Variants in RAPGEF4 observed in about 807,000 individuals in gnomAD.
RAPGEF4 encodes the protein Rap guanine nucleotide exchange factor 4.
Under a neutral mutation model 147.9 loss-of-function variants are expected in RAPGEF4, and 66 were observed. The ratio of observed to expected loss-of-function variants is 0.45; its 90% CI spans 0.37 to 0.55. The LOEUF (loss-of-function observed/expected upper bound fraction) is 0.55, where lower values mean the gene tolerates loss of function less well. Ranked by LOEUF, RAPGEF4 falls within the 20% of genes least tolerant of loss-of-function variation. The pLI is 0.00. For missense variants in RAPGEF4, 1,071 were observed against 1,257.3 expected (o/e 0.85, Z 2.24); for synonymous variants, 419 against 442.7 (o/e 0.95, Z 0.67).
rs144798893 is a variant in RAPGEF4, at chr2:172,948,215, T to C, written c.538-12545T>C. Among the ~76,000 whole-genome samples the C allele has an allele frequency of 1.2e-4, 19 of 152,336 alleles. 1 individual carries two copies. Among genetic ancestry groups the C allele is most frequent in the African/African-American group, 3.6e-4 (15 of 41,566 alleles). On this transcript the variant is annotated intron_variant, in intron 6 of 30. Transcript: ENST00000397081. Reference sequence around the variant, plus strand: ...ACTGCTCTGAACATTTTAGTATATGTCTTTTAGTGAATGTATGTACAATAT... The same window carrying C: ...ACTGCTCTGAACATTTTAGTATATGCCTTTTAGTGAATGTATGTACAATAT...
chr2:172,741,871 C>G (rs1208832091), intron 1 of RAPGEF4, among the ~76,000 whole-genome samples: 1 of 152,110 alleles, frequency 6.6e-6, no homozygotes, highest in African/African-American at 2.4e-5. Flanking sequence ...TGGAGTCTCC[C>G]TATGTTGCCC....
chr2:172,973,845 A>G (rs184405759), intron 10 of RAPGEF4, among the ~76,000 whole-genome samples: 1 of 152,348 alleles, frequency 6.6e-6, no homozygotes, highest in African/African-American at 2.4e-5. Flanking sequence ...CCTTTGAGAT[A>G]CGTGCATTTG....
At chr2:172,873,866 C>A (rs1404231762) in intron 4 of RAPGEF4, among the ~76,000 whole-genome samples, 1 of 152,162 alleles carries the variant, frequency 6.6e-6, no homozygotes, top group Non-Finnish European at 1.5e-5. Flanking sequence ...AAACAAACAA[C>A]CTAATCAAAA....
chr2:172,917,958 C>A, intron 5 of RAPGEF4, 84 bp downstream of exon 5: 1 of 1,127,948 alleles, frequency 8.9e-7, no homozygotes, highest in Non-Finnish European at 1.3e-6. Context: ...TGTCCTACAC[C>A]AGCTTGTCAG....
intron 3 of RAPGEF4, among the ~76,000 whole-genome samples, chr2:172,810,363 C>A (rs879868858): frequency 1.3e-5 from 2 of 152,218 alleles, no homozygotes; most frequent in African/African-American, 2.4e-5. Context: ...ATCTCATTCA[C>A]CTGTTGTGAG....
chr2:173,012,586 C>A (rs1362212098), intron 17 of RAPGEF4, among the ~76,000 whole-genome samples: 5 of 152,236 alleles, frequency 3.3e-5, no homozygotes, highest in Admixed American at 1.3e-4. Flanking sequence ...ATCTGATTCT[C>A]CTTCGGTTCA....
intron 5 of RAPGEF4, among the ~76,000 whole-genome samples, chr2:172,918,870 C>T (rs1180088904): frequency 1.3e-5 from 2 of 152,150 alleles, no homozygotes; most frequent in Non-Finnish European, 2.9e-5. Context: ...CTTCCTGGAT[C>T]CTAGAATTCC....
Position 173,020,675 on chromosome 2 carries a change from G to C in RAPGEF4, c.2213G>C (p.Gly738Ala), listed in dbSNP as rs1488522193. 1.2e-6 allele frequency: 2 copies of C among 1,613,958 alleles called. No individual in the cohort carries two copies. Among genetic ancestry groups the C allele is most frequent in the Non-Finnish European group, 1.7e-6 (2 of 1,179,966 alleles). Residue 738 changes from glycine to alanine, a missense_variant, in exon 23 of 31, where the codon GGA (glycine) becomes GCA (alanine). Physicochemically the swap from Gly to Ala is moderately conservative, Grantham distance 60. Transcript: ENST00000397081. The part of the protein sequence containing the change: ...VSVFTTLTIN[G>A]RLFACPREQF... ...GTATTTACGACGCTCACCATTAATGGACGCCTGTTTGCTTGCCCGCGAGAG... is the reference window on the plus strand; with the variant it reads ...GTATTTACGACGCTCACCATTAATGCACGCCTGTTTGCTTGCCCGCGAGAG...
intron 1 of RAPGEF4, among the ~76,000 whole-genome samples, chr2:172,776,380 A>G (rs1684162859): frequency 6.6e-6 from 1 of 152,246 alleles, no homozygotes; most frequent in Non-Finnish European, 1.5e-5. Context: ...AGATGATGAC[A>G]AAGCATTTGT....
At chr2:172,902,295 C>CTTTTATTTA (rs143288658) in intron 4 of RAPGEF4, among the ~76,000 whole-genome samples, 1 of 148,328 alleles carries the variant, frequency 6.7e-6, no homozygotes, top group Non-Finnish European at 1.5e-5. Flanking sequence ...CCTGGATCTT[C>CTTTTATTTA]TTTATTTATT....
intron 1 of RAPGEF4, among the ~76,000 whole-genome samples, chr2:172,753,414 T>G (rs1265840362): frequency 1.4e-5 from 2 of 147,876 alleles, no homozygotes; most frequent in Admixed American, 6.8e-5. Flanking sequence ...TTTTTTTTAA[T>G]TTACCTACAA....
At chr2:173,046,088 T>C (rs1056111990) in intron 29 of RAPGEF4, among the ~76,000 whole-genome samples, 2 of 152,226 alleles carry the variant, frequency 1.3e-5, no homozygotes, top group African/African-American at 4.8e-5. Context: ...TAAACATTAT[T>C]GTCCGGACCT....
At chr2:173,016,299 T>C in intron 18 of RAPGEF4, 50 bp from the exon 19 acceptor site, 1 of 1,287,928 alleles carries the variant, frequency 7.8e-7, no homozygotes, top group South Asian at 1.2e-5. Context: ...GACAGAATCA[T>C]GTGCCTTTTG....
intron 1 of RAPGEF4, among the ~76,000 whole-genome samples, chr2:172,772,153 C>T (rs1158850652): frequency 6.6e-6 from 1 of 152,012 alleles, no homozygotes; most frequent in East Asian, 1.9e-4. Context: ...GTGGGAGGAT[C>T]ACTTGAGTCC....
intron 1 of RAPGEF4, among the ~76,000 whole-genome samples, chr2:172,764,314 C>T (rs182096210): frequency 6.6e-6 from 1 of 151,980 alleles, no homozygotes; most frequent in East Asian, 1.9e-4. Flanking sequence ...TCTTGTTCAC[C>T]ATTAAACATG....
chr2:172,906,359 C>T (rs377604663), intron 4 of RAPGEF4, among the ~76,000 whole-genome samples: 9 of 152,338 alleles, frequency 5.9e-5, no homozygotes, highest in Non-Finnish European at 1.2e-4. Flanking sequence ...CAATCCTGGA[C>T]GCTGCCTCTC....
At chr2:173,034,698 A>C (rs1257551455) in intron 27 of RAPGEF4, among the ~76,000 whole-genome samples, 1 of 151,718 alleles carries the variant, frequency 6.6e-6, no homozygotes, top group Admixed American at 6.6e-5. Context: ...ACATGACGAA[A>C]CCCCATCTCT....
chr2:172,894,972 G>C (rs1056669332), intron 4 of RAPGEF4, among the ~76,000 whole-genome samples: 1 of 151,658 alleles, frequency 6.6e-6, no homozygotes, highest in African/African-American at 2.4e-5. Context: ...TATGTGCATC[G>C]AGCCTCTTCA....
intron 4 of RAPGEF4, among the ~76,000 whole-genome samples, chr2:172,852,062 A>T (rs904376133): frequency 2.1e-4 from 32 of 152,252 alleles, no homozygotes; most frequent in Admixed American, 1.8e-3. Flanking sequence ...ATAGATCACA[A>T]CAAGTTATGT....
Sources: gnomAD v4.1 joint callset for allele counts (sites outside exome capture counted in the v4.1 genomes callset) on GRCh38, gnomAD v4.1.1 for gene constraint, MANE v1.5 for transcripts, NCBI Gene and HGNC (gene_info 2026-07-23, HGNC 2026-07-21) for gene names.